ACKR3: variants seen among roughly 807,000 people sequenced by gnomAD.
ACKR3 encodes C-X-C chemokine receptor type 7.
In ACKR3, 6 loss-of-function variants were observed where a neutral mutation model predicts 22.4. The observed-to-expected ratio is 0.27, with a 90% confidence interval of 0.15 to 0.53. The LOEUF is 0.53. ACKR3 is among the 20% of genes least tolerant of loss of function. The pLI is 0.96. For synonymous variants in ACKR3, 209 were observed against 205.2 expected (o/e 1.02, Z -0.16); for missense variants, 396 against 475.2 (o/e 0.83, Z 1.55).
the ACKR3 span, among the ~76,000 whole-genome samples, chr2:236,561,237 G>C: frequency 1.4e-5 from 2 of 146,216 alleles, no homozygotes; most frequent in African/African-American, 5.5e-5. Flanking sequence ...ATAATATATT[G>C]TACACTTAAA....
At chr2:236,543,960 T>G in the ACKR3 span, among the ~76,000 whole-genome samples, 1 of 70,414 alleles carries the variant, frequency 1.4e-5, no homozygotes, top group East Asian at 3.8e-4. Context: ...TATATATATA[T>G]ATATATATAT....
chr2:236,550,606 T>G, the ACKR3 span, among the ~76,000 whole-genome samples: 1 of 152,086 alleles, frequency 6.6e-6, no homozygotes, highest in Non-Finnish European at 1.5e-5. This position sits in a 1 kb window ranked among gnomAD's most constrained non-coding sequence, Gnocchi z 4.6. Flanking sequence ...AGAGAGCAAA[T>G]GAATCCAGTC....
At chr2:236,572,840 C>T (rs1043694514) in intron 1 of ACKR3, among the ~76,000 whole-genome samples, 2 of 152,204 alleles carry the variant, frequency 1.3e-5, no homozygotes, top group African/African-American at 2.4e-5. Context: ...GGGTGTCCCA[C>T]GTGTTCATGT....
the ACKR3 span, among the ~76,000 whole-genome samples, chr2:236,559,386 G>T: frequency 7.2e-5 from 11 of 152,170 alleles, no homozygotes; most frequent in African/African-American, 2.2e-4. Flanking sequence ...AAATATTGTA[G>T]AGACGTTGAA....
chr2:236,547,620 T>C, the ACKR3 span, among the ~76,000 whole-genome samples: 8,753 of 152,252 alleles, frequency 0.057, 767 homozygotes, highest in African/African-American at 0.19. Flanking sequence ...TAAAATGTTT[T>C]TTAAATTTTT....
the ACKR3 span, among the ~76,000 whole-genome samples, chr2:236,540,630 T>G: frequency 1.2e-4 from 18 of 152,226 alleles, no homozygotes; most frequent in African/African-American, 4.1e-4. Flanking sequence ...AATTTAATCT[T>G]TTACATTTAC....
the ACKR3 span, among the ~76,000 whole-genome samples, chr2:236,540,900 G>A: frequency 4.2e-4 from 64 of 152,348 alleles, no homozygotes; most frequent in African/African-American, 1.4e-3. Context: ...TAACTTTATA[G>A]TAAGTATTTA....
At chr2:236,552,211 A>G in the ACKR3 span, among the ~76,000 whole-genome samples, 1 of 152,136 alleles carries the variant, frequency 6.6e-6, no homozygotes, top group African/African-American at 2.4e-5. Context: ...GGAGAGTGAA[A>G]AGGGAGGGAG....
At chr2:236,538,636 C>T in the ACKR3 span, among the ~76,000 whole-genome samples, 2 of 152,186 alleles carry the variant, frequency 1.3e-5, no homozygotes, top group Non-Finnish European at 2.9e-5. Flanking sequence ...TCTAGTGGAC[C>T]TCTTGATGAG....
intron 1 of ACKR3, among the ~76,000 whole-genome samples, chr2:236,573,461 T>G (rs146807243): frequency 3.8e-4 from 58 of 152,272 alleles, no homozygotes; most frequent in African/African-American, 1.3e-3. Context: ...GGCCTCAGTT[T>G]CCAGGTGTGC....
At chr2:236,547,507 A>C in the ACKR3 span, among the ~76,000 whole-genome samples, 1 of 150,392 alleles carries the variant, frequency 6.6e-6, no homozygotes, top group African/African-American at 2.5e-5. Context: ...TGCATATCAG[A>C]CCATTTTTTT....
At chr2:236,562,338 T>G in the ACKR3 span, among the ~76,000 whole-genome samples, 1 of 152,380 alleles carries the variant, frequency 6.6e-6, no homozygotes, top group East Asian at 1.9e-4. Context: ...ATGTTGGATT[T>G]GCTTTGCTTT....
At position 236,581,124 on chromosome 2, in the gene ACKR3, G is replaced by A. The variant is rs779022473; in HGVS notation, c.659G>A (p.Gly220Asp). The A allele has an allele frequency of 6.2e-7, 1 of 1,614,206 alleles. No individual in the cohort carries two copies. Residue 220 changes from glycine (G) to aspartate (D), a missense_variant, in exon 2 of 2, where the codon GGC (glycine) becomes GAC (aspartate). Gly to Asp is a moderately conservative substitution (Grantham distance 94). Coordinates refer to ENST00000272928, the MANE Select transcript of ACKR3 (RefSeq NM_020311.3). This position sits in a 1 kb window ranked among gnomAD's most constrained non-coding sequence, Gnocchi z 4.4. ...IGMELVSVVL[G>D]FAVPFSIIAV... The stretch of plus-strand genomic sequence containing the variant: ...ATGGAGCTGGTCTCCGTTGTCTTGG[G>A]CTTTGCCGTTCCCTTCTCCATTATC...
the ACKR3 span, among the ~76,000 whole-genome samples, chr2:236,555,956 A>T: frequency 6.6e-6 from 1 of 152,184 alleles, no homozygotes. Context: ...TTAGAAACTA[A>T]GATCTTGCTC....
chr2:236,537,283 G>C, the ACKR3 span, among the ~76,000 whole-genome samples: 2 of 152,250 alleles, frequency 1.3e-5, no homozygotes, highest in South Asian at 4.1e-4. Flanking sequence ...CAAGCCCAGG[G>C]GCAGCCTGCC....
chr2:236,577,216 C>T lies in ACKR3; in HGVS notation c.-26-3224C>T, dbSNP rs923707773. ...TCCAGCCTCCGCTCTCTCATTCAGC[C>T]CTTGGGCAGCAACAGCCATGCCCTT... On this transcript the variant is annotated intron_variant, in intron 1 of 1. Coordinates refer to ENST00000272928, the MANE Select transcript of ACKR3 (RefSeq NM_020311.3). The surrounding 1 kb of genome is among the most constrained non-coding windows in gnomAD (Gnocchi z 5.6). Among the ~76,000 whole-genome samples, 3 of 152,152 alleles carry T rather than the reference C, an allele frequency of 2.0e-5. No homozygotes were observed. The highest frequency in any genetic ancestry group is 2.0e-4 in the Admixed American group (3 of 15,272).
chr2:236,541,346 G>T, the ACKR3 span, among the ~76,000 whole-genome samples: 1 of 152,120 alleles, frequency 6.6e-6, no homozygotes, highest in African/African-American at 2.4e-5. Flanking sequence ...AAGAACGTGT[G>T]GTTCATGAAA....
At chr2:236,576,332 C>T (rs1248787830) in intron 1 of ACKR3, among the ~76,000 whole-genome samples, 3 of 152,214 alleles carry the variant, frequency 2.0e-5, no homozygotes, top group South Asian at 2.1e-4. Context: ...CAGATCTGTG[C>T]GGAATGCAGT....
At chr2:236,540,548 G>A in the ACKR3 span, among the ~76,000 whole-genome samples, 603 of 152,156 alleles carry the variant, frequency 4.0e-3, 5 homozygotes, top group African/African-American at 0.014. Flanking sequence ...TTAATGTTTA[G>A]TGTTTTTCAT....
Sources: allele counts gnomAD v4.1 joint callset (sites outside exome capture counted in the v4.1 genomes callset), GRCh38; gene constraint gnomAD v4.1.1; non-coding constraint Gnocchi (gnomAD v3.1); transcripts MANE v1.5; gene names NCBI Gene and HGNC (gene_info 2026-07-23, HGNC 2026-07-21).